ST3GAL1: variants seen among roughly 807,000 people sequenced by gnomAD.
ST3GAL1 encodes ST3 beta-galactoside alpha-2,3-sialyltransferase 1.
In ST3GAL1, 16 loss-of-function variants were observed where a neutral mutation model predicts 34.1. The observed-to-expected ratio is 0.47, with a 90% CI of 0.32 to 0.71. The LOEUF is 0.71. Among genes scored for constraint, ST3GAL1 ranks in the 30% least tolerant of loss-of-function variants. The probability of loss-of-function intolerance (pLI) is 0.04; values close to 1 mark genes in which losing one functional copy is unlikely to be tolerated. For missense variants in ST3GAL1, 353 were observed against 447.4 expected, an observed-to-expected ratio of 0.79 and a Z score of 1.90; for synonymous variants, 191 against 184.7, an observed-to-expected ratio of 1.03 and a Z score of -0.28.
At chr8:133,488,795 C>T (rs908177360) in intron 3 of ST3GAL1, among the ~76,000 whole-genome samples, 1 of 152,150 alleles carries the variant, frequency 6.6e-6, no homozygotes, top group African/African-American at 2.4e-5. Context: ...CCTGTGGGGA[C>T]AGTAGGTGAG....
At chr8:133,498,206 C>A (rs1274428142) in intron 3 of ST3GAL1, among the ~76,000 whole-genome samples, 1 of 152,246 alleles carries the variant, frequency 6.6e-6, no homozygotes, top group African/African-American at 2.4e-5. Flanking sequence ...GGCAGTTCAT[C>A]CGACTCCCTG....
intron 2 of ST3GAL1, among the ~76,000 whole-genome samples, chr8:133,524,492 A>G (rs1237328667): frequency 6.6e-6 from 1 of 152,208 alleles, no homozygotes; most frequent in Non-Finnish European, 1.5e-5. Context: ...CTACCTGAGT[A>G]TTGCTCATGC....
At chr8:133,494,049 A>G (rs534263614) in intron 3 of ST3GAL1, among the ~76,000 whole-genome samples, 1 of 152,324 alleles carries the variant, frequency 6.6e-6, no homozygotes, top group South Asian at 2.1e-4. Context: ...CAAAGCAAAC[A>G]TTAATAGCTT....
At chr8:133,470,061 T>A (rs1161505317) in intron 5 of ST3GAL1, among the ~76,000 whole-genome samples, 1 of 152,236 alleles carries the variant, frequency 6.6e-6, no homozygotes, top group Non-Finnish European at 1.5e-5. Flanking sequence ...TTACTCCATG[T>A]GGCGTCACTG....
At chr8:133,526,228 G>A (rs1469635375) in intron 2 of ST3GAL1, among the ~76,000 whole-genome samples, 2 of 152,132 alleles carry the variant, frequency 1.3e-5, no homozygotes, top group African/African-American at 4.8e-5. Flanking sequence ...TGCAAACATG[G>A]CAACTCTACC....
At chr8:133,569,256 T>A (rs960166862) in intron 1 of ST3GAL1, among the ~76,000 whole-genome samples, 1 of 152,090 alleles carries the variant, frequency 6.6e-6, no homozygotes, top group African/African-American at 2.4e-5. Context: ...ACTTCAGGGT[T>A]TGTGGGATTT....
At chr8:133,535,525 A>ATTTTTTTTTTTTT (rs112708766) in intron 2 of ST3GAL1, among the ~76,000 whole-genome samples, 2 of 145,022 alleles carry the variant, frequency 1.4e-5, no homozygotes, top group African/African-American at 5.4e-5. Context: ...GTATTTTTTA[A>ATTTTTTTTTTTTT]TTTTTTTTTT....
intron 8 of ST3GAL1, 69 bp downstream of exon 8, chr8:133,463,343 CCG>C: frequency 6.4e-7 from 1 of 1,572,870 alleles, no homozygotes; most frequent in Admixed American, 1.7e-5. Context: ...CAACTCAATG[CCG>C]TACCTTAGAG....
At chr8:133,530,186 C>T (rs1251517320) in intron 2 of ST3GAL1, among the ~76,000 whole-genome samples, 2 of 152,132 alleles carry the variant, frequency 1.3e-5, no homozygotes, top group African/African-American at 4.8e-5. Context: ...TTCAGAATGC[C>T]TTCCAGGTGA....
At chr8:133,540,888 TATATAGAC>T (rs1170923291) in intron 2 of ST3GAL1, among the ~76,000 whole-genome samples, 1 of 132,030 alleles carries the variant, frequency 7.6e-6, no homozygotes, top group Non-Finnish European at 1.6e-5. Flanking sequence ...TAGAGACATA[TATATAGAC>T]ATATATATAG....
chr8:133,506,956 TAATA>T (rs58208913), intron 2 of ST3GAL1, among the ~76,000 whole-genome samples: 2 of 147,860 alleles, frequency 1.4e-5, no homozygotes, highest in Non-Finnish European at 1.5e-5. Flanking sequence ...AATAAATAAA[TAATA>T]AATAAAAATA....
chr8:133,496,215 A>T (rs1413367205), intron 3 of ST3GAL1, among the ~76,000 whole-genome samples: 1 of 152,226 alleles, frequency 6.6e-6, no homozygotes, highest in Non-Finnish European at 1.5e-5. Flanking sequence ...TTATTTTTCC[A>T]GCTGAGTAAG....
chr8:133,496,641 C>T (rs372808448), intron 3 of ST3GAL1, among the ~76,000 whole-genome samples: 2 of 152,146 alleles, frequency 1.3e-5, no homozygotes, highest in East Asian at 1.9e-4. Flanking sequence ...AAGATGAGAC[C>T]ACAGCACCTG....
At chr8:133,533,209 T>C (rs1323763189) in intron 2 of ST3GAL1, among the ~76,000 whole-genome samples, 1 of 151,996 alleles carries the variant, frequency 6.6e-6, no homozygotes, top group Non-Finnish European at 1.5e-5. Flanking sequence ...AACCTCAGAG[T>C]TGTGTAAAAT....
chr8:133,491,530 C>T (rs1257922111), intron 3 of ST3GAL1, among the ~76,000 whole-genome samples: 3 of 151,364 alleles, frequency 2.0e-5, no homozygotes, highest in Admixed American at 1.3e-4. Context: ...CCGAGATTCA[C>T]AGTCTGACAC....
rs142623314 is a variant in ST3GAL1, at chr8:133,475,812, C to T, written c.213G>A (p.Ser71=). 1.1e-4 allele frequency: 185 copies of T among 1,614,064 alleles called. 1 individual carries two copies. The African/African-American group carries it at 2.0e-3, about 18-fold the overall frequency. The change falls in exon 5 of 10, where the codon TCG becomes TCA. Residue 71 remains serine (S), a synonymous_variant. Coordinates refer to ENST00000522652, the MANE Select transcript of ST3GAL1 (RefSeq NM_173344.3). ...CTHCIGQRKL[S]AWFDERFNQT... The stretch of plus-strand genomic sequence containing the variant: ...GGTTGAACCTCTCATCGAACCAGGC[C>T]GAGAGCTTGCGCTGCCCGATGCAGT...
intron 2 of ST3GAL1, among the ~76,000 whole-genome samples, chr8:133,501,095 A>G (rs1331501520): frequency 6.6e-6 from 1 of 152,178 alleles, no homozygotes; most frequent in Non-Finnish European, 1.5e-5. Context: ...ATAAACAAAC[A>G]GCCTCAGACA....
chr8:133,473,156 G>A (rs2737423), intron 5 of ST3GAL1, among the ~76,000 whole-genome samples: 3,722 of 152,252 alleles, frequency 0.024, 47 homozygotes, highest in Non-Finnish European at 0.036. Flanking sequence ...AGAAGCTGAT[G>A]TTTTTCCCTT....
intron 2 of ST3GAL1, among the ~76,000 whole-genome samples, chr8:133,542,110 C>A (rs1818553570): frequency 1.1e-5 from 1 of 93,356 alleles, no homozygotes. Flanking sequence ...CACACACACA[C>A]ACCCACGCAC....
Sources: gnomAD v4.1 joint callset for allele counts (sites outside exome capture counted in the v4.1 genomes callset) on GRCh38, gnomAD v4.1.1 for gene constraint, MANE v1.5 for transcripts, NCBI Gene and HGNC (gene_info 2026-07-23, HGNC 2026-07-21) for gene names.